The following FZD3 variants were observed in gnomAD, a reference collection of about 807,000 sequenced individuals.
FZD3 encodes frizzled class receptor 3.
In FZD3, 30 loss-of-function variants were observed where a neutral mutation model predicts 60.7. The observed-to-expected ratio is 0.49, with a 90% CI of 0.37 to 0.67. The LOEUF (loss-of-function observed/expected upper bound fraction) is 0.67, where lower values mean the gene tolerates loss of function less well. Ranked by LOEUF, FZD3 falls within the 30% of genes least tolerant of loss-of-function variation. The pLI is 0.00. For missense variants in FZD3, 605 were observed against 838.7 expected, an observed-to-expected ratio of 0.72 and a Z score of 3.44; for synonymous variants, 246 against 275.2, an observed-to-expected ratio of 0.89 and a Z score of 1.05.
intron 1 of FZD3, among the ~76,000 whole-genome samples, chr8:28,499,495 G>A (rs1354165184): frequency 6.6e-6 from 1 of 151,972 alleles, no homozygotes; most frequent in Non-Finnish European, 1.5e-5. Flanking sequence ...TATTTTGGTT[G>A]TGCATCATGT....
intron 5 of FZD3, among the ~76,000 whole-genome samples, chr8:28,534,216 A>G (rs1804952868): frequency 6.6e-6 from 1 of 152,210 alleles, no homozygotes; most frequent in African/African-American, 2.4e-5. Flanking sequence ...TTGTAGTTTT[A>G]TAGACGCACA....
At position 28,565,898 on chromosome 8, in the gene FZD3, A is replaced by AG. The variant is rs1318055768; in HGVS notation, c.*2887_*2888insG. On this transcript the variant is annotated 3_prime_UTR_variant, in exon 8 of 8. Transcript: ENST00000240093. ...TTAGTGTTTTCTTTTTTCAGTTGAC[A>AG]ACTGAGAAAATAATAGTTCTCTCTA... 6.6e-6 allele frequency: 1 copy of AG among 152,128 alleles called. No individual in the cohort carries two copies. Among genetic ancestry groups the AG allele is most frequent in the East Asian group, 1.9e-4 (1 of 5,202 alleles). 9.4% of individuals were successfully genotyped at this position (152,128 alleles called of 1,614,324 possible). A position where few individuals can be genotyped will look rare whatever the true frequency, so the allele number is the denominator to read the frequency against.
chr8:28,498,664 A>T (rs942779004), intron 1 of FZD3, among the ~76,000 whole-genome samples: 6 of 152,100 alleles, frequency 3.9e-5, no homozygotes, highest in Admixed American at 3.3e-4. Context: ...CGCAACCTCC[A>T]CCTCTCATGT....
At chr8:28,494,843 C>G (rs570328012) in intron 1 of FZD3, among the ~76,000 whole-genome samples, 3 of 152,114 alleles carry the variant, frequency 2.0e-5, no homozygotes, top group African/African-American at 7.2e-5. Context: ...CTCCCGGCCG[C>G]CCGAAGCGCG....
Position 28,568,881 on chromosome 8 carries a change from C to T in FZD3, c.*5870C>T, listed in dbSNP as rs145070362. 2.6e-5 allele frequency: 4 copies of T among 152,160 alleles called. No individual in the cohort carries two copies. Among genetic ancestry groups the T allele is most frequent in the East Asian group, 3.9e-4 (2 of 5,180 alleles). 9.4% of individuals were successfully genotyped at this position (152,160 alleles called of 1,614,324 possible). A position where few individuals can be genotyped will look rare whatever the true frequency, so the allele number is the denominator to read the frequency against. On this transcript the variant is annotated 3_prime_UTR_variant, in exon 8 of 8. Transcript: ENST00000240093. The stretch of plus-strand genomic sequence containing the variant: ...TTGAATTTTTTTGTTGGTGTGAAAG[C>T]GTTGCTTATACTTTATGCTCATTTT...
chr8:28,546,948 C>T (rs1805308904), intron 5 of FZD3, among the ~76,000 whole-genome samples: 2 of 148,178 alleles, frequency 1.3e-5, no homozygotes, highest in Non-Finnish European at 1.5e-5. Context: ...CCAGCCTGGG[C>T]GACAGAGCGA....
intron 5 of FZD3, among the ~76,000 whole-genome samples, chr8:28,543,474 A>C (rs927532028): frequency 1.3e-5 from 2 of 151,870 alleles, no homozygotes; most frequent in African/African-American, 4.8e-5. Context: ...TCTGCCTCCC[A>C]GGTTCAAACA....
chr8:28,518,706 A>G (rs1274370519), intron 3 of FZD3, among the ~76,000 whole-genome samples: 2 of 151,856 alleles, frequency 1.3e-5, no homozygotes, highest in Admixed American at 6.6e-5. Flanking sequence ...TTCATTTCCC[A>G]TTTTGTCTCT....
intron 7 of FZD3, among the ~76,000 whole-genome samples, 168 bp from the exon 8 acceptor site, chr8:28,562,630 A>G (rs755636564): frequency 1.3e-5 from 2 of 152,222 alleles, no homozygotes; most frequent in African/African-American, 4.8e-5. Flanking sequence ...GGCCATGTCA[A>G]TAATTCTACA....
At chr8:28,522,636 T>C (rs1056760325) in intron 4 of FZD3, among the ~76,000 whole-genome samples, 45 of 152,188 alleles carry the variant, frequency 3.0e-4, no homozygotes, top group African/African-American at 8.7e-4. Context: ...TAATAGCTTA[T>C]ATATAAGCAT....
At position 28,571,503 on chromosome 8, in the gene FZD3, C is replaced by G. The variant is rs1298500151; in HGVS notation, c.*8492C>G. The G allele has an allele frequency of 2.6e-5, 4 of 152,114 alleles. No homozygotes were observed. The highest frequency in any genetic ancestry group is 4.4e-5 in the Non-Finnish European group (3 of 67,998). 9.4% of individuals were successfully genotyped at this position (152,114 alleles called of 1,614,324 possible). The stretch of plus-strand genomic sequence containing the variant: ...ATGTGAAAATATTAGTCTGGACATT[C>G]TCTTGCCATCAGGTGCTATTTCTAC... On this transcript the variant is annotated 3_prime_UTR_variant, in exon 8 of 8. Transcript: ENST00000240093.
At position 28,569,484 on chromosome 8, in the gene FZD3, C is replaced by A. The variant is rs1359404794; in HGVS notation, c.*6473C>A. The A allele has an allele frequency of 1.3e-5, 2 of 151,592 alleles. No homozygotes were observed. Among genetic ancestry groups the A allele is most frequent in the Non-Finnish European group, 2.9e-5 (2 of 67,902 alleles). The allele number at this position is 151,592 out of a possible 1,614,324, so 9.4% of individuals were successfully genotyped here. ...GTAGCGTCTAAAATTCCGCCCAGCT[C>A]TCATTTGGTTCTCATTTGACCATTT... is the stretch of plus-strand genomic sequence containing the variant. On this transcript the variant is annotated 3_prime_UTR_variant, in exon 8 of 8. Coordinates refer to ENST00000240093, the MANE Select transcript of FZD3 (RefSeq NM_017412.4).
At chr8:28,524,873 T>C (rs921675012) in intron 4 of FZD3, among the ~76,000 whole-genome samples, 15 of 152,224 alleles carry the variant, frequency 9.9e-5, no homozygotes, top group African/African-American at 3.4e-4. Context: ...TTTTGGCATA[T>C]GTAAAATTGA....
intron 2 of FZD3, among the ~76,000 whole-genome samples, chr8:28,501,326 A>G (rs1042212244): frequency 6.6e-6 from 1 of 152,214 alleles, no homozygotes; most frequent in Non-Finnish European, 1.5e-5. Context: ...TCTGCCTAGT[A>G]ACTGAAGCTT....
intron 1 of FZD3, among the ~76,000 whole-genome samples, chr8:28,499,265 C>T (rs927209838): frequency 1.3e-5 from 2 of 152,100 alleles, no homozygotes; most frequent in Non-Finnish European, 2.9e-5. Flanking sequence ...GAGATATATA[C>T]ATATACTGTT....
chr8:28,529,639 C>T (rs922965571), intron 5 of FZD3, among the ~76,000 whole-genome samples: 1 of 151,944 alleles, frequency 6.6e-6, no homozygotes, highest in Non-Finnish European at 1.5e-5. Flanking sequence ...ACTGAGAATG[C>T]CAATTTCCCT....
chr8:28,537,822 C>T (rs1805056152), intron 5 of FZD3, among the ~76,000 whole-genome samples: 1 of 152,080 alleles, frequency 6.6e-6, no homozygotes, highest in African/African-American at 2.4e-5. Flanking sequence ...TAGTATTAAA[C>T]ATATTTAATA....
intron 4 of FZD3, among the ~76,000 whole-genome samples, chr8:28,522,961 G>A (rs1017712349): frequency 2.0e-5 from 3 of 151,720 alleles, no homozygotes; most frequent in East Asian, 1.9e-4. Context: ...GTAGAGACGG[G>A]GTTTCACCAC....
chr8:28,506,314 A>G (rs1804139556), intron 3 of FZD3, among the ~76,000 whole-genome samples: 1 of 152,230 alleles, frequency 6.6e-6, no homozygotes, highest in Non-Finnish European at 1.5e-5. Context: ...GTCACTAACT[A>G]GGTTTGAGAC....
Sources: gnomAD v4.1 joint callset for allele counts (sites outside exome capture counted in the v4.1 genomes callset) on GRCh38, gnomAD v4.1.1 for gene constraint, MANE v1.5 for transcripts, NCBI Gene and HGNC (gene_info 2026-07-23, HGNC 2026-07-21) for gene names.